MMP16: variants seen among roughly 807,000 people sequenced by gnomAD.
MMP16 encodes matrix metalloproteinase-16.
MMP16 carries 12 observed loss-of-function variants against 67.8 expected under a neutral mutation model. The observed-to-expected ratio is 0.18, with a 90% CI of 0.11 to 0.29. The LOEUF (loss-of-function observed/expected upper bound fraction) is 0.29, where lower values mean the gene tolerates loss of function less well. Ranked by LOEUF, MMP16 falls within the 10% of genes least tolerant of loss-of-function variation. MMP16 has a pLI of 1.00. For missense variants in MMP16, 475 were observed against 765.7 expected, an observed-to-expected ratio of 0.62 and a Z score of 4.48; for synonymous variants, 249 against 255.9, an observed-to-expected ratio of 0.97 and a Z score of 0.26.
chr8:88,327,427 T>A lies in MMP16; in HGVS notation c.-221A>T, dbSNP rs994419611. ...GGTCAGCAGTAGTTCCTGTTCACCA[T>A]CCTCCGGGGTCAGTCACCGGGAACG... On this transcript the variant is annotated 5_prime_UTR_variant, in exon 1 of 10. The change abolishes an upstream ATG in the 5' untranslated region. Coordinates refer to ENST00000286614, the MANE Select transcript of MMP16 (RefSeq NM_005941.5). 4 of 515,566 alleles carry A rather than the reference T, an allele frequency of 7.8e-6. No individual in the cohort carries two copies. The highest frequency in any genetic ancestry group is 1.9e-5 in the African/African-American group (1 of 51,356). The allele number at this position is 515,566 out of a possible 1,614,324, so 31.9% of individuals were successfully genotyped here. A position where few individuals can be genotyped will look rare whatever the true frequency, so the allele number is the denominator to read the frequency against.
intron 1 of MMP16, among the ~76,000 whole-genome samples, chr8:88,218,145 T>C (rs538883943): frequency 5.9e-5 from 9 of 152,030 alleles, no homozygotes; most frequent in Non-Finnish European, 1.2e-4. Context: ...AGGGGTATTA[T>C]GTATATCCAT....
intron 2 of MMP16, among the ~76,000 whole-genome samples, chr8:88,192,349 G>A (rs946527014): frequency 1.3e-5 from 2 of 152,154 alleles, no homozygotes; most frequent in African/African-American, 2.4e-5. Context: ...CAAAGTTAAA[G>A]TACCTAAATA....
intron 1 of MMP16, among the ~76,000 whole-genome samples, chr8:88,243,995 G>A (rs1810072099): frequency 6.6e-6 from 1 of 151,584 alleles, no homozygotes; most frequent in African/African-American, 2.4e-5. Flanking sequence ...ATCAGTTACT[G>A]GAATTGTTTT....
At chr8:88,110,673 T>C (rs1360482748) in intron 6 of MMP16, among the ~76,000 whole-genome samples, 1 of 151,668 alleles carries the variant, frequency 6.6e-6, no homozygotes, top group Non-Finnish European at 1.5e-5. Context: ...GCCAACAAAA[T>C]AGTTTTTAAT....
chr8:88,117,332 TGAA>T (rs1404060660), intron 5 of MMP16, among the ~76,000 whole-genome samples: 1 of 152,132 alleles, frequency 6.6e-6, no homozygotes, highest in Non-Finnish European at 1.5e-5. Context: ...AATATTAATG[TGAA>T]GAAGTATTTC....
intron 4 of MMP16, among the ~76,000 whole-genome samples, chr8:88,150,002 C>A (rs1808374910): frequency 1.4e-5 from 1 of 70,556 alleles, no homozygotes; most frequent in African/African-American, 5.2e-5. Context: ...ATAACCAATA[C>A]AGAGAAGTGC....
chr8:88,097,245 G>A (rs1367785955), intron 6 of MMP16, among the ~76,000 whole-genome samples: 1 of 151,788 alleles, frequency 6.6e-6, no homozygotes. Flanking sequence ...GGTTGAACCA[G>A]GATATTAACT....
intron 1 of MMP16, among the ~76,000 whole-genome samples, chr8:88,238,692 G>A (rs975221897): frequency 3.5e-5 from 5 of 144,332 alleles, no homozygotes; most frequent in African/African-American, 1.3e-4. Flanking sequence ...AAAAAAAGAC[G>A]TGGGCTCTTT....
At chr8:88,099,824 T>C (rs1200929621) in intron 6 of MMP16, among the ~76,000 whole-genome samples, 1 of 151,976 alleles carries the variant, frequency 6.6e-6, no homozygotes, top group Non-Finnish European at 1.5e-5. Context: ...GCTCTTGTTA[T>C]ACCTCCTGCC....
chr8:88,200,096 T>C (rs1406108240), intron 1 of MMP16, among the ~76,000 whole-genome samples: 2 of 151,972 alleles, frequency 1.3e-5, no homozygotes, highest in Non-Finnish European at 2.9e-5. Context: ...AAATCATTCC[T>C]GTTAAACTTA....
At chr8:88,258,430 T>G (rs1371895963) in intron 1 of MMP16, among the ~76,000 whole-genome samples, 5 of 152,188 alleles carry the variant, frequency 3.3e-5, no homozygotes, top group Non-Finnish European at 7.4e-5. Context: ...GCCTGTCTAA[T>G]GCCATATCAG....
intron 1 of MMP16, among the ~76,000 whole-genome samples, chr8:88,270,720 C>T (rs1810551361): frequency 1.3e-5 from 2 of 152,166 alleles, no homozygotes; most frequent in African/African-American, 4.8e-5. Flanking sequence ...GGTCAATTGT[C>T]ATTTTCTTCA....
intron 3 of MMP16, among the ~76,000 whole-genome samples, chr8:88,174,855 A>G (rs111286037): frequency 0.07 from 10,561 of 151,950 alleles, 558 homozygotes; most frequent in Non-Finnish European, 0.1. Context: ...TCCGGGTTCA[A>G]GCAATTCTCC....
At chr8:88,122,649 T>C (rs1251198540) in intron 4 of MMP16, among the ~76,000 whole-genome samples, 6 of 151,882 alleles carry the variant, frequency 4.0e-5, no homozygotes, top group East Asian at 3.9e-4. Context: ...TAGGATGGAA[T>C]AGGTCTTCTC....
rs577329688 is a variant in MMP16 at position 88,049,032 on chromosome 8, T to C, written c.1374-2248A>G. ...CGTGCACATAGAAATGGGAAAAAGA[T>C]TGTTTCAGGAAGTGTACTAAGAAGT... On this transcript the variant is annotated intron_variant, in intron 8 of 9. Transcript: ENST00000286614. Among the ~76,000 whole-genome samples the C allele has an allele frequency of 3.9e-5, 6 of 152,258 alleles. No homozygotes were observed. The South Asian group carries it at 1.0e-3, about 26-fold the overall frequency.
At chr8:88,118,444 C>T (rs988971890) in intron 5 of MMP16, among the ~76,000 whole-genome samples, 22 of 152,090 alleles carry the variant, frequency 1.4e-4, no homozygotes, top group African/African-American at 5.1e-4. Flanking sequence ...GCCGTAACTG[C>T]AGGTTTTTCA....
chr8:88,092,765 A>T (rs919167887), intron 6 of MMP16, among the ~76,000 whole-genome samples: 1 of 152,004 alleles, frequency 6.6e-6, no homozygotes, highest in South Asian at 2.1e-4. Context: ...TCCCAATTTG[A>T]TCTTTGCCAT....
At chr8:88,127,967 G>A (rs1051587755) in intron 4 of MMP16, among the ~76,000 whole-genome samples, 6 of 151,778 alleles carry the variant, frequency 4.0e-5, no homozygotes, top group Non-Finnish European at 2.9e-5. Flanking sequence ...ATAAGGGCTG[G>A]CTCATAACAA....
chr8:88,255,582 T>C (rs903006020), intron 1 of MMP16, among the ~76,000 whole-genome samples: 6 of 152,180 alleles, frequency 3.9e-5, no homozygotes, highest in Admixed American at 3.9e-4. Flanking sequence ...ATTTGGATCA[T>C]AATAGGATTT....
Sources: gnomAD v4.1 joint callset for allele counts (sites outside exome capture counted in the v4.1 genomes callset) on GRCh38, gnomAD v4.1.1 for gene constraint, MANE v1.5 for transcripts, NCBI Gene and HGNC (gene_info 2026-07-23, HGNC 2026-07-21) for gene names.